Variants in MAP3K20 observed in about 807,000 individuals in gnomAD.
The protein encoded by MAP3K20 is HCCS-4.
MAP3K20 carries 40 observed loss-of-function variants against 85.7 expected under a neutral mutation model. The ratio of observed to expected loss-of-function variants is 0.47; its 90% CI spans 0.36 to 0.61. The LOEUF (loss-of-function observed/expected upper bound fraction) is 0.61. MAP3K20 is among the 20% of genes least tolerant of loss of function. The pLI is 0.00. For synonymous variants in MAP3K20, 325 were observed against 327.7 expected (o/e 0.99, Z 0.09); for missense variants, 817 against 961.7 (o/e 0.85, Z 1.99).
intron 7 of MAP3K20, among the ~76,000 whole-genome samples, chr2:173,191,749 C>CT (rs768887577): frequency 3.9e-5 from 6 of 152,148 alleles, no homozygotes; most frequent in Non-Finnish European, 8.8e-5. Flanking sequence ...AAGCGTGACT[C>CT]TAAGGCATTA....
At chr2:173,171,168 G>A (rs905832360) in intron 3 of MAP3K20, among the ~76,000 whole-genome samples, 2 of 152,062 alleles carry the variant, frequency 1.3e-5, no homozygotes, top group Non-Finnish European at 2.9e-5. Flanking sequence ...GGTTGAGGGG[G>A]AACCATACCT....
At chr2:173,122,035 G>A (rs886997381) in intron 2 of MAP3K20, among the ~76,000 whole-genome samples, 3 of 152,138 alleles carry the variant, frequency 2.0e-5, no homozygotes, top group African/African-American at 4.8e-5. Flanking sequence ...CAATGTGAGA[G>A]GTCTGTCACA....
intron 10 of MAP3K20, 58 bp downstream of exon 10, chr2:173,209,893 C>A: frequency 7.1e-7 from 1 of 1,410,794 alleles, no homozygotes; most frequent in Non-Finnish European, 1.0e-6. Flanking sequence ...TCACTCGTCT[C>A]AATGAAGAAG....
chr2:173,084,983 C>T (rs1687107818), intron 1 of MAP3K20, among the ~76,000 whole-genome samples: 1 of 152,114 alleles, frequency 6.6e-6, no homozygotes, highest in Non-Finnish European at 1.5e-5. Flanking sequence ...TGAAATATCT[C>T]TTATTTGGAA....
intron 16 of MAP3K20, among the ~76,000 whole-genome samples, chr2:173,248,879 T>C (rs375334548): frequency 2.2e-4 from 33 of 152,304 alleles, no homozygotes; most frequent in African/African-American, 7.7e-4. Flanking sequence ...GTGATGTACA[T>C]GATAAAACAT....
chr2:173,243,624 T>C (rs1019065461), intron 16 of MAP3K20, among the ~76,000 whole-genome samples: 1 of 152,114 alleles, frequency 6.6e-6, no homozygotes, highest in African/African-American at 2.4e-5. Context: ...TATGTTTTTT[T>C]GTTTGTTTTT....
intron 3 of MAP3K20, among the ~76,000 whole-genome samples, chr2:173,180,221 C>T (rs1690285065): frequency 1.3e-5 from 2 of 152,176 alleles, no homozygotes; most frequent in South Asian, 4.1e-4. Flanking sequence ...ACTTATAAAT[C>T]TGTAGTAATC....
At chr2:173,163,326 G>A (rs887124976) in intron 2 of MAP3K20, among the ~76,000 whole-genome samples, 1 of 152,132 alleles carries the variant, frequency 6.6e-6, no homozygotes, top group Non-Finnish European at 1.5e-5. Context: ...CCTACTTTGT[G>A]TCCATGTGTA....
intron 16 of MAP3K20, 104 bp from the exon 17 acceptor site, chr2:173,258,595 C>G: frequency 1.6e-6 from 1 of 630,988 alleles, no homozygotes. Context: ...AAAAGCCACT[C>G]CAATAATACT....
intron 2 of MAP3K20, among the ~76,000 whole-genome samples, chr2:173,137,026 A>G (rs1216406957): frequency 6.6e-6 from 1 of 152,216 alleles, no homozygotes; most frequent in African/African-American, 2.4e-5. Context: ...TAGGGAGAGT[A>G]GCGATGAAAA....
intron 17 of MAP3K20, among the ~76,000 whole-genome samples, chr2:173,260,077 C>T (rs1322101813): frequency 1.3e-5 from 2 of 152,120 alleles, no homozygotes; most frequent in Non-Finnish European, 2.9e-5. Flanking sequence ...CAACAAAAAA[C>T]TAGCCCAGGC....
At position 173,198,948 on chromosome 2, in the gene MAP3K20, A is replaced by G. The variant is rs972018118; in HGVS notation, c.669+836A>G. 1 of 152,540 alleles carries G rather than the reference A, an allele frequency of 6.6e-6. No homozygotes were observed. Among genetic ancestry groups the G allele is most frequent in the Non-Finnish European group, 1.5e-5 (1 of 68,028 alleles). 9.4% of individuals were successfully genotyped at this position (152,540 alleles called of 1,614,324 possible). A position where few individuals can be genotyped will look rare whatever the true frequency, so the allele number is the denominator to read the frequency against. Reference sequence around the variant, plus strand: ...CATAAGGATGAAGCATCCAATATCAAGGTATTATGAGAACTTAGATCATGT... The same window carrying G: ...CATAAGGATGAAGCATCCAATATCAGGGTATTATGAGAACTTAGATCATGT... On this transcript the variant is annotated intron_variant, in intron 8 of 19. Coordinates refer to ENST00000375213, the MANE Select transcript of MAP3K20 (RefSeq NM_016653.3). The surrounding 1 kb of genome is among the most constrained non-coding windows in gnomAD (Gnocchi z 5.8).
Position 173,198,793 on chromosome 2 carries a change from A to T in MAP3K20, c.669+681A>T, listed in dbSNP as rs1690935017. 1 of 152,584 alleles carries T rather than the reference A, an allele frequency of 6.6e-6. No homozygotes were observed. Among genetic ancestry groups the T allele is most frequent in the Admixed American group, 6.6e-5 (1 of 15,266 alleles). The allele number at this position is 152,584 out of a possible 1,614,324, so 9.5% of individuals were successfully genotyped here. ...AGCCTCGCTTCTCTTCTTCCCACAAATTGAGGCTTTCAGTTAGTTGGACCT... is the reference window on the plus strand; with the variant it reads ...AGCCTCGCTTCTCTTCTTCCCACAATTTGAGGCTTTCAGTTAGTTGGACCT... On this transcript the variant is annotated intron_variant, in intron 8 of 19. Coordinates refer to ENST00000375213, the MANE Select transcript of MAP3K20 (RefSeq NM_016653.3). The surrounding 1 kb of genome is among the most constrained non-coding windows in gnomAD (Gnocchi z 5.8).
At chr2:173,119,838 G>A (rs1273225627) in intron 2 of MAP3K20, among the ~76,000 whole-genome samples, 1 of 152,128 alleles carries the variant, frequency 6.6e-6, no homozygotes, top group African/African-American at 2.4e-5. Context: ...TCCATTGCCT[G>A]CTTTATTAAT....
chr2:173,222,618 A>C, intron 11 of MAP3K20: 1 of 985,466 alleles, frequency 1.0e-6, no homozygotes, highest in Non-Finnish European at 1.2e-6. Flanking sequence ...ATAATAATCC[A>C]GGATTCTAAG....
At chr2:173,075,698 GGGGCGCGGGGCGGATGGTGCCCCCC>G (rs1302303126), upstream of MAP3K20, 6 of 937,720 alleles carry the variant, frequency 6.4e-6, no homozygotes, top group Non-Finnish European at 7.5e-6. Flanking sequence ...GGCGGGTGCC[GGGGCGCGGGGCGGATGGTGCCCCCC>G]GGGCGCAGGC....
At chr2:173,096,303 T>C (rs1047489446) in intron 2 of MAP3K20, among the ~76,000 whole-genome samples, 2 of 151,976 alleles carry the variant, frequency 1.3e-5, no homozygotes, top group Non-Finnish European at 2.9e-5. Flanking sequence ...TAAAAAAGTG[T>C]AGCTGTGGCA....
rs1447284213 is a variant in MAP3K20, at chr2:173,134,421, TA to T, written c.160-35383del. ...ATATATATATATATATATATATATA[TA>T]TATATATTTTTTTTTTTTTTTTTTT... On this transcript the variant is annotated intron_variant, in intron 2 of 19. Coordinates refer to ENST00000375213, the MANE Select transcript of MAP3K20 (RefSeq NM_016653.3). Among the ~76,000 whole-genome samples, 82 of 23,936 alleles carry T rather than the reference TA, an allele frequency of 3.4e-3. 2 individuals are homozygous for T. Among genetic ancestry groups the T allele is most frequent in the East Asian group, 0.019 (18 of 940 alleles). The allele number at this position is 23,936 out of a possible 152,430, so 15.7% of individuals were successfully genotyped here. A position where few individuals can be genotyped will look rare whatever the true frequency, so the allele number is the denominator to read the frequency against.
chr2:173,125,112 T>A (rs1688404844), intron 2 of MAP3K20, among the ~76,000 whole-genome samples: 1 of 152,224 alleles, frequency 6.6e-6, no homozygotes, highest in African/African-American at 2.4e-5. Flanking sequence ...AGGCAGTTAA[T>A]CCACAACTTG....
Sources: gnomAD v4.1 joint callset for allele counts (sites outside exome capture counted in the v4.1 genomes callset) on GRCh38, gnomAD v4.1.1 for gene constraint, Gnocchi (gnomAD v3.1) non-coding constraint, MANE v1.5 for transcripts, NCBI Gene and HGNC (gene_info 2026-07-23, HGNC 2026-07-21) for gene names.